The following SH3BP2 variants were observed in gnomAD, a reference collection of about 807,000 sequenced individuals.
SH3BP2 encodes the protein SH3 domain-binding protein 2.
SH3BP2 carries 38 observed loss-of-function variants against 56.2 expected under a neutral mutation model. The observed-to-expected ratio is 0.68, with a 90% CI of 0.52 to 0.89. SH3BP2 has a LOEUF of 0.89. Among genes scored for constraint, SH3BP2 ranks in the 40% least tolerant of loss-of-function variants. SH3BP2 has a pLI of 0.00. For missense variants in SH3BP2, 748 were observed against 762.6 expected, an observed-to-expected ratio of 0.98 and a Z score of 0.23; for synonymous variants, 346 against 316.7, an observed-to-expected ratio of 1.09 and a Z score of -0.98.
chr4:2,804,164 G>T (rs1038385498), intron 1 of SH3BP2, among the ~76,000 whole-genome samples: 1 of 152,142 alleles, frequency 6.6e-6, no homozygotes, highest in Admixed American at 6.5e-5. Flanking sequence ...GGGTTCCACT[G>T]CAACTCTCTG....
intron 6 of SH3BP2, 66 bp downstream of exon 6, chr4:2,827,384 T>G: frequency 2.1e-6 from 3 of 1,437,286 alleles, no homozygotes; most frequent in Non-Finnish European, 2.9e-6. Flanking sequence ...TTGGCCGCTG[T>G]GGAGGAGAGG....
chr4:2,827,570 C>T (rs530674967), intron 6 of SH3BP2, 36 bp from the exon 7 acceptor site: 84 of 1,561,552 alleles, frequency 5.4e-5, no homozygotes, highest in Admixed American at 4.2e-4. Context: ...GGGCCTGGGC[C>T]GGTTTGGCTC....
intron 1 of SH3BP2, among the ~76,000 whole-genome samples, chr4:2,806,098 A>C (rs1039704400): frequency 6.6e-6 from 1 of 152,222 alleles, no homozygotes; most frequent in Admixed American, 6.5e-5. Context: ...AGTGGGCCAC[A>C]GGCCAGGAGG....
chr4:2,793,194 T>A (rs1301474878), intron 1 of SH3BP2, 56 bp downstream of exon 1: 7 of 126,936 alleles, frequency 5.5e-5, no homozygotes, highest in African/African-American at 9.1e-5. Context: ...GGGGGCGGTC[T>A]CCGCGTCTGG....
chr4:2,833,802 C>T lies in SH3BP2; in HGVS notation c.1654C>T (p.Arg552Trp), dbSNP rs151048521. The change falls in exon 13 of 13, where the codon CGG becomes TGG. Residue 552 changes from arginine (R) to tryptophan (W), a missense_variant. By Grantham distance (101) the Arg-to-Trp change is moderately radical. Coordinates refer to ENST00000503393, the MANE Select transcript of SH3BP2 (RefSeq NM_001122681.2). ...GCCCAGCCACCAGAGCCTGCTGCTG[C>T]GGCACCCCTACGGCTACACTGGGCC... ...VLPSHQSLLL[R>W]HPYGYTGPR The T allele has an allele frequency of 4.6e-5, 73 of 1,590,116 alleles. No individual in the cohort carries two copies. In the Middle Eastern group the frequency reaches 5.0e-4, roughly 11 times the overall value.
Position 2,827,217 on chromosome 4 carries a change from C to T in SH3BP2, c.429-13C>T, listed in dbSNP as rs200815848. The T allele has an allele frequency of 4.3e-6, 7 of 1,612,828 alleles. No homozygotes were observed. In the East Asian group the frequency reaches 6.7e-5, roughly 15 times the overall value. On this transcript the variant is annotated splice_polypyrimidine_tract_variant and intron_variant, in intron 5 of 12. Coordinates refer to ENST00000503393, the MANE Select transcript of SH3BP2 (RefSeq NM_001122681.2). ...GGTGCTCACCGTCCGCCCCAACGCA[C>T]CCTGCATTGCAGCGACTCCAGCTCG...
rs1480847284 is a variant in SH3BP2 at position 2,810,455 on chromosome 4, G to A, written c.-4-10159G>A. 1.3e-5 allele frequency among the ~76,000 whole-genome samples: 2 copies of A among 151,754 alleles called. No homozygotes were observed. The highest frequency in any genetic ancestry group is 2.9e-5 in the Non-Finnish European group (2 of 67,932). ...TTTGGCGGAGCAAGGGCAGGGGCGA[G>A]CCTGGCTCCTGCTTCCAGCTCAGGC... On this transcript the variant is annotated intron_variant, in intron 1 of 12. Coordinates refer to ENST00000503393, the MANE Select transcript of SH3BP2 (RefSeq NM_001122681.2). This position sits in a 1 kb window ranked among gnomAD's most constrained non-coding sequence, Gnocchi z 4.2.
At chr4:2,824,002 G>T (rs1449676575) in intron 3 of SH3BP2, among the ~76,000 whole-genome samples, 1 of 152,256 alleles carries the variant, frequency 6.6e-6, no homozygotes, top group Non-Finnish European at 1.5e-5. Flanking sequence ...ATGAACCCTG[G>T]GCCCAGTGGC....
At chr4:2,822,051 A>G (rs1240171473) in intron 2 of SH3BP2, among the ~76,000 whole-genome samples, 1 of 151,874 alleles carries the variant, frequency 6.6e-6, no homozygotes, top group Non-Finnish European at 1.5e-5. Flanking sequence ...TATTTTTAGT[A>G]GAGACAGCGT....
intron 1 of SH3BP2, chr4:2,812,382 G>T (rs1224946283): frequency 6.5e-7 from 1 of 1,550,262 alleles, no homozygotes; most frequent in East Asian, 2.4e-5. Flanking sequence ...GCCTGGGCTG[G>T]TGGCCCCTGA....
chr4:2,829,917 C>T lies in SH3BP2; in HGVS notation c.1011C>T (p.Phe337=). The T allele has an allele frequency of 6.2e-7, 1 of 1,613,850 alleles. No homozygotes were observed. The highest frequency in any genetic ancestry group is 1.1e-5 in the South Asian group (1 of 91,086). Residue 337 remains phenylalanine, a synonymous_variant, in exon 8 of 13, where the codon TTC becomes TTT. Transcript: ENST00000503393. The surrounding 1 kb of genome is among the most constrained non-coding windows in gnomAD (Gnocchi z 4.9). ...TSRNCDKLKS[F]HLSPRGPPTS... ...GAAACTGTGACAAACTCAAGTCCTT[C>T]CACCTGTCCCCCCGAGGACCACCCA...
rs1331799177 is a variant in SH3BP2 at position 2,836,113 on chromosome 4, T to G, written c.*2279T>G. ...CCCAGAGCCAGGTGATAGGTCCCTC[T>G]GGCCAACTGGACAGTTGAGGCCTGT... On this transcript the variant is annotated 3_prime_UTR_variant, in exon 13 of 13. Transcript: ENST00000503393. The G allele has an allele frequency of 6.6e-6, 1 of 152,228 alleles. No individual in the cohort carries two copies. Among genetic ancestry groups the G allele is most frequent in the Non-Finnish European group, 1.5e-5 (1 of 68,074 alleles). 9.4% of individuals were successfully genotyped at this position (152,228 alleles called of 1,614,324 possible).
In SH3BP2 at chr4:2,831,124, C is replaced by T. The variant is rs771954054; in HGVS notation, c.1242-447C>T. On this transcript the variant is annotated intron_variant, in intron 8 of 12. Transcript: ENST00000503393. The surrounding 1 kb of genome is among the most constrained non-coding windows in gnomAD (Gnocchi z 4.1). ...CTAGAGCCTTTGAGGCTTTGCTGAG[C>T]AGGACCGGCTAGCCACACAGGGAGG... 2.4e-4 allele frequency among the ~76,000 whole-genome samples: 37 copies of T among 152,378 alleles called. No homozygotes were observed. The highest frequency in any genetic ancestry group is 5.1e-4 in the African/African-American group (21 of 41,582).
rs765696516 is a variant in SH3BP2, at chr4:2,825,208, C to A, written c.428+12C>A. ...CCCTTGGACACCAGGTGAGCCCGGG[C>A]CCAGGGCATACCGGGCAGTGAGGGT... On this transcript the variant is annotated intron_variant, in intron 5 of 12. Transcript: ENST00000503393. 6.4e-7 allele frequency: 1 copy of A among 1,569,052 alleles called. No individual in the cohort carries two copies. The highest frequency in any genetic ancestry group is 1.9e-5 in the Admixed American group (1 of 53,868).
In SH3BP2 at chr4:2,818,677, T is replaced by A. The variant is rs182821; in HGVS notation, c.-4-1937T>A. The stretch of plus-strand genomic sequence containing the variant: ...GGGGCTCCTTCGGGCCGGGCGCGGT[T>A]GGGCGGGCGGCGGGGTGTGGCGGCG... On this transcript the variant is annotated intron_variant, in intron 1 of 12. Coordinates refer to ENST00000503393, the MANE Select transcript of SH3BP2 (RefSeq NM_001122681.2). 159,706 of 992,890 alleles carry A rather than the reference T, an allele frequency of 0.16. 17,391 individuals are homozygous for A. The highest frequency in any genetic ancestry group is 0.53 in the African/African-American group (30,449 of 57,522). The allele number at this position is 992,890 out of a possible 1,614,324, so 61.5% of individuals were successfully genotyped here. A position where few individuals can be genotyped will look rare whatever the true frequency, so the allele number is the denominator to read the frequency against.
At chr4:2,812,180 T>C in intron 1 of SH3BP2, 1 of 1,429,504 alleles carries the variant, frequency 7.0e-7, no homozygotes, top group East Asian at 2.6e-5. Context: ...CCAGGCAGCT[T>C]TCAGGACCTC....
Position 2,802,612 on chromosome 4 carries a change from GTGTATATATGTGTA to G in SH3BP2, c.-5+9480_-5+9493del, listed in dbSNP as rs1723349547. 2.8e-4 allele frequency among the ~76,000 whole-genome samples: 41 copies of G among 146,516 alleles called. No individual in the cohort carries two copies. The South Asian group carries it at 7.8e-3, about 28-fold the overall frequency. Reference sequence around the variant, plus strand: ...TATGTTTGTATATATGTGTATATATGTGTATATATGTGTATGTATGTGGTGTGTGTATATATATA... The same window carrying G: ...TATGTTTGTATATATGTGTATATATGTGTATGTGGTGTGTGTATATATATA... On this transcript the variant is annotated intron_variant, in intron 1 of 12. Transcript: ENST00000503393.
At chr4:2,802,941 G>T (rs1277482409) in intron 1 of SH3BP2, among the ~76,000 whole-genome samples, 3 of 152,152 alleles carry the variant, frequency 2.0e-5, no homozygotes, top group Non-Finnish European at 4.4e-5. Flanking sequence ...GAGCCATGAT[G>T]GGGGCCACGC....
Position 2,835,148 on chromosome 4 carries a change from C to T in SH3BP2, c.*1314C>T, listed in dbSNP as rs1725188092. ...GAATCCTTGTGATTTTTCTTAGCAC[C>T]TTATGTCAGGGAAACCTAAACTGAG... On this transcript the variant is annotated 3_prime_UTR_variant, in exon 13 of 13. Coordinates refer to ENST00000503393, the MANE Select transcript of SH3BP2 (RefSeq NM_001122681.2). 1 of 152,160 alleles carries T rather than the reference C, an allele frequency of 6.6e-6. No individual in the cohort carries two copies. Among genetic ancestry groups the T allele is most frequent in the Admixed American group, 6.5e-5 (1 of 15,270 alleles). The allele number at this position is 152,160 out of a possible 1,614,324, so 9.4% of individuals were successfully genotyped here. A position where few individuals can be genotyped will look rare whatever the true frequency, so the allele number is the denominator to read the frequency against.
Sources: gnomAD v4.1 joint callset for allele counts (sites outside exome capture counted in the v4.1 genomes callset) on GRCh38, gnomAD v4.1.1 for gene constraint, Gnocchi (gnomAD v3.1) non-coding constraint, MANE v1.5 for transcripts, NCBI Gene and HGNC (gene_info 2026-07-23, HGNC 2026-07-21) for gene names.